Variants in MRPS11 observed in about 807,000 individuals in gnomAD.
MRPS11 encodes mitochondrial ribosomal protein S11.
A neutral mutation model predicts 24.3 loss-of-function variants in MRPS11; 27 were observed. The ratio of observed to expected loss-of-function variants is 1.11; its 90% CI spans 0.82 to 1.53. MRPS11 has a LOEUF of 1.53. Among genes scored for constraint, MRPS11 ranks in the 40% most tolerant of loss-of-function variants. The pLI, the probability that MRPS11 is intolerant of heterozygous loss-of-function variation, is 0.00. For synonymous variants in MRPS11, 104 were observed against 98.7 expected (o/e 1.05, Z -0.32); for missense variants, 277 against 256.5 (o/e 1.08, Z -0.55).
rs1009230673 is a variant in MRPS11, at chr15:88,477,343, C to T, written c.477+289C>T. Among the ~76,000 whole-genome samples, 16 of 152,208 alleles carry T rather than the reference C, an allele frequency of 1.1e-4. No individual in the cohort carries two copies. Among genetic ancestry groups the T allele is most frequent in the Admixed American group, 8.5e-4 (13 of 15,288 alleles). ...AAATCCCTTAGGACAGACTGGTGAGCGCTGTGGTAAAGCATGTGCCCAGAT... is the reference window on the plus strand; with the variant it reads ...AAATCCCTTAGGACAGACTGGTGAGTGCTGTGGTAAAGCATGTGCCCAGAT... On this transcript the variant is annotated intron_variant, in intron 5 of 5. Transcript: ENST00000325844. The surrounding 1 kb of genome is among the most constrained non-coding windows in gnomAD (Gnocchi z 5.7).
chr15:88,467,866 G>A (rs975970328), intron 1 of MRPS11, 42 bp from the exon 2 acceptor site: 6 of 1,612,784 alleles, frequency 3.7e-6, no homozygotes, highest in Non-Finnish European at 5.1e-6. Flanking sequence ...CCGGGCCCCA[G>A]TGACCGTTAG....
At chr15:88,467,885 C>T (rs1482868983) in intron 1 of MRPS11, 23 bp from the exon 2 acceptor site, 11 of 1,613,394 alleles carry the variant, frequency 6.8e-6, no homozygotes, top group African/African-American at 1.3e-5. Flanking sequence ...AGGCCGTGGC[C>T]CTCACCGAGC....
chr15:88,475,072 A>G lies in MRPS11; in HGVS notation c.282-38A>G. The G allele has an allele frequency of 1.2e-6, 2 of 1,609,456 alleles. No homozygotes were observed. The highest frequency in any genetic ancestry group is 2.2e-5 in the East Asian group (1 of 44,798). ...TTAGCTCTCTCTTATTTCCCTGAAG[A>G]AGAGTTGTATCCTATGTGCTTCTTC... is the stretch of plus-strand genomic sequence containing the variant. On this transcript the variant is annotated intron_variant, in intron 3 of 5. Transcript: ENST00000325844. The surrounding 1 kb of genome is among the most constrained non-coding windows in gnomAD (Gnocchi z 4.1).
rs1342059392 is a variant in MRPS11, at chr15:88,479,217, C to A, written c.*1238C>A. 1 of 152,176 alleles carries A rather than the reference C, an allele frequency of 6.6e-6. No homozygotes were observed. Among genetic ancestry groups the A allele is most frequent in the Non-Finnish European group, 1.5e-5 (1 of 68,072 alleles). The allele number at this position is 152,176 out of a possible 1,614,324, so 9.4% of individuals were successfully genotyped here. The stretch of plus-strand genomic sequence containing the variant: ...GGCTCTAGGGTTCCTGGATACGGCA[C>A]AGAGGCCAAAGGTGGGGGCTCTAGA... On this transcript the variant is annotated 3_prime_UTR_variant, in exon 6 of 6. Coordinates refer to ENST00000325844, the MANE Select transcript of MRPS11 (RefSeq NM_022839.5).
intron 2 of MRPS11, among the ~76,000 whole-genome samples, chr15:88,470,565 G>A (rs1444669173): frequency 6.6e-6 from 1 of 152,188 alleles, no homozygotes; most frequent in African/African-American, 2.4e-5. Flanking sequence ...AGGAAAACCA[G>A]GAGAGAACAT....
Position 88,475,013 on chromosome 15 carries a change from T to C in MRPS11, c.282-97T>C. 1 of 1,432,276 alleles carries C rather than the reference T, an allele frequency of 7.0e-7. No homozygotes were observed. The highest frequency in any genetic ancestry group is 9.4e-7 in the Non-Finnish European group (1 of 1,064,288). 88.7% of individuals were successfully genotyped at this position (1,432,276 alleles called of 1,614,324 possible). A position where few individuals can be genotyped will look rare whatever the true frequency, so the allele number is the denominator to read the frequency against. ...TCAAAGTAGAAGCAACTGAATTCCT[T>C]TTTCTTTCTCACCCAGGCTTCTAGG... On this transcript the variant is annotated intron_variant, in intron 3 of 5. Transcript: ENST00000325844. The surrounding 1 kb of genome is among the most constrained non-coding windows in gnomAD (Gnocchi z 4.1).
At chr15:88,468,217 G>A in intron 2 of MRPS11, 193 bp downstream of exon 2, 1 of 1,430,846 alleles carries the variant, frequency 7.0e-7, no homozygotes, top group Non-Finnish European at 9.2e-7. Context: ...AGAATCAGAT[G>A]AGCCGTGGTA....
In MRPS11 at chr15:88,477,966, C is replaced by T; in HGVS notation, c.572C>T (p.Ala191Val). ...IPHNGCRPRK[A>V]RKL ...CACAACGGCTGCCGCCCCAGGAAGG[C>T]TCGGAAGCTGTGATGGGAAGGAGGC... The change falls in exon 6 of 6, where the codon GCT becomes GTT. Residue 191 changes from alanine to valine, a missense_variant. Transcript: ENST00000325844. The surrounding 1 kb of genome is among the most constrained non-coding windows in gnomAD (Gnocchi z 5.7). 6.2e-7 allele frequency: 1 copy of T among 1,614,142 alleles called. No homozygotes were observed.
At position 88,477,506 on chromosome 15, in the gene MRPS11, G is replaced by A. The variant is rs2055846657; in HGVS notation, c.478-366G>A. 6.6e-6 allele frequency among the ~76,000 whole-genome samples: 1 copy of A among 152,218 alleles called. No individual in the cohort carries two copies. The highest frequency in any genetic ancestry group is 2.4e-5 in the African/African-American group (1 of 41,454). ...AGGAATAATGAGGTATCAGGGAGGTGGAGGCACAGCAGGTACGGGGGGACA... is the reference window on the plus strand; with the variant it reads ...AGGAATAATGAGGTATCAGGGAGGTAGAGGCACAGCAGGTACGGGGGGACA... On this transcript the variant is annotated intron_variant, in intron 5 of 5. Coordinates refer to ENST00000325844, the MANE Select transcript of MRPS11 (RefSeq NM_022839.5). This position sits in a 1 kb window ranked among gnomAD's most constrained non-coding sequence, Gnocchi z 5.7.
Position 88,475,180 on chromosome 15 carries a change from C to T in MRPS11, c.352C>T (p.Arg118Trp), listed in dbSNP as rs149047976. The T allele has an allele frequency of 5.0e-5, 80 of 1,614,208 alleles. No homozygotes were observed. The African/African-American group carries it at 6.8e-4, about 14-fold the overall frequency. The stretch of plus-strand genomic sequence containing the variant: ...TGCTTCCTGTGGCACAGAGGGATTT[C>T]GGAATGCCAAGAAGGGCACAGGCAT... ...AFASCGTEGF[R>W]NAKKGTGIAA... The change falls in exon 4 of 6, where the codon CGG (arginine) becomes TGG (tryptophan). Residue 118 changes from arginine to tryptophan, a missense_variant. Transcript: ENST00000325844. This position sits in a 1 kb window ranked among gnomAD's most constrained non-coding sequence, Gnocchi z 4.1.
At chr15:88,472,558 A>C (rs2055735036) in intron 2 of MRPS11, 69 bp from the exon 3 acceptor site, 2 of 1,310,396 alleles carry the variant, frequency 1.5e-6, no homozygotes, top group Non-Finnish European at 2.2e-6. Flanking sequence ...TTTTTTAACC[A>C]TGTGTTGTAT....
At chr15:88,476,755 G>A (rs1321201662) in intron 4 of MRPS11, 11 of 432,202 alleles carry the variant, frequency 2.5e-5, no homozygotes, top group Non-Finnish European at 3.7e-5. Context: ...ATTAGGTGGC[G>A]GTGCTGTCCT....
rs1430745121 is a variant in MRPS11, at chr15:88,477,943, C to T, written c.549C>T (p.His183=). 6.2e-7 allele frequency: 1 copy of T among 1,614,098 alleles called. No individual in the cohort carries two copies. The highest frequency in any genetic ancestry group is 1.3e-5 in the African/African-American group (1 of 74,936). The change falls in exon 6 of 6, where the codon CAC becomes CAT. Residue 183 remains histidine, a synonymous_variant. Coordinates refer to ENST00000325844, the MANE Select transcript of MRPS11 (RefSeq NM_022839.5). This position sits in a 1 kb window ranked among gnomAD's most constrained non-coding sequence, Gnocchi z 5.7. Reference sequence around the variant, plus strand: ...TCACAGACAACACCCCAATCCCACACAACGGCTGCCGCCCCAGGAAGGCTC... The same window carrying T: ...TCACAGACAACACCCCAATCCCACATAACGGCTGCCGCCCCAGGAAGGCTC... The part of the protein sequence containing the change: ...ISITDNTPIP[H]NGCRPRKARK...
intron 2 of MRPS11, chr15:88,468,297 CGTTCT>C: frequency 7.3e-6 from 9 of 1,230,654 alleles, no homozygotes; most frequent in Non-Finnish European, 9.2e-6. Flanking sequence ...CATGTATCAG[CGTTCT>C]TTTCTTCTGA....
intron 2 of MRPS11, chr15:88,472,179 G>T (rs7176939): frequency 0.041 from 6,336 of 153,142 alleles, 498 homozygotes; most frequent in African/African-American, 0.15. Flanking sequence ...GGGATTCTGG[G>T]TTTTTTTTAA....
In MRPS11 at chr15:88,475,858, G is replaced by A. The variant is rs1016480555; in HGVS notation, c.411+619G>A. Among the ~76,000 whole-genome samples the A allele has an allele frequency of 6.6e-6, 1 of 152,160 alleles. No individual in the cohort carries two copies. The highest frequency in any genetic ancestry group is 2.4e-5 in the African/African-American group (1 of 41,414). On this transcript the variant is annotated intron_variant, in intron 4 of 5. Transcript: ENST00000325844. The surrounding 1 kb of genome is among the most constrained non-coding windows in gnomAD (Gnocchi z 4.1). ...TGTAGTCCCAGGTACTCGGGAGGCTGAGGCAGGAGAATCACTTGAACCCAG... is the reference window on the plus strand; with the variant it reads ...TGTAGTCCCAGGTACTCGGGAGGCTAAGGCAGGAGAATCACTTGAACCCAG...
rs577575384 is a variant in MRPS11 at position 88,477,480 on chromosome 15, C to T, written c.478-392C>T. On this transcript the variant is annotated intron_variant, in intron 5 of 5. Transcript: ENST00000325844. The surrounding 1 kb of genome is among the most constrained non-coding windows in gnomAD (Gnocchi z 5.7). ...AAGAGGTGACATCTCTCTGACTTTG[C>T]AGGAATAATGAGGTATCAGGGAGGT... Among the ~76,000 whole-genome samples, 25 of 152,280 alleles carry T rather than the reference C, an allele frequency of 1.6e-4. No homozygotes were observed. The highest frequency in any genetic ancestry group is 6.0e-4 in the African/African-American group (25 of 41,556).
chr15:88,473,956 C>G (rs1369564575), intron 3 of MRPS11, among the ~76,000 whole-genome samples: 3 of 152,186 alleles, frequency 2.0e-5, no homozygotes, highest in Admixed American at 6.5e-5. Flanking sequence ...TTGGGAGGAT[C>G]ACTTGAGGCC....
At chr15:88,471,619 C>T (rs1180517862) in intron 2 of MRPS11, among the ~76,000 whole-genome samples, 2 of 152,198 alleles carry the variant, frequency 1.3e-5, no homozygotes, top group African/African-American at 4.8e-5. Context: ...CCCTATTTCC[C>T]TATTGGTACC....
Sources: allele counts gnomAD v4.1 joint callset (sites outside exome capture counted in the v4.1 genomes callset), GRCh38; gene constraint gnomAD v4.1.1; non-coding constraint Gnocchi (gnomAD v3.1); transcripts MANE v1.5; gene names NCBI Gene and HGNC (gene_info 2026-07-23, HGNC 2026-07-21).